Variants in BRINP3 observed in about 807,000 individuals in gnomAD.
The protein encoded by BRINP3 is BMP/retinoic acid-inducible neural-specific protein 3.
In BRINP3, 19 loss-of-function variants were observed where a neutral mutation model predicts 71.0. The ratio of observed to expected loss-of-function variants is 0.27; its 90% CI spans 0.19 to 0.39. The LOEUF (loss-of-function observed/expected upper bound fraction) is 0.39, where lower values mean the gene tolerates loss of function less well. BRINP3 is among the 10% of genes least tolerant of loss of function. BRINP3 has a pLI of 1.00. For missense variants in BRINP3, 959 were observed against 940.8 expected (o/e 1.02, Z -0.25); for synonymous variants, 380 against 337.7 (o/e 1.13, Z -1.37).
chr1:190,256,534 G>A (rs1015352838), intron 4 of BRINP3, among the ~76,000 whole-genome samples: 4 of 152,090 alleles, frequency 2.6e-5, no homozygotes, highest in African/African-American at 7.2e-5. Context: ...TCATTATGAT[G>A]TTAGCTGGTT....
intron 6 of BRINP3, among the ~76,000 whole-genome samples, chr1:190,219,058 G>T (rs911171673): frequency 2.6e-5 from 4 of 152,054 alleles, no homozygotes; most frequent in African/African-American, 7.2e-5. Context: ...GCAAATAGGG[G>T]ATTCAGGCAC....
chr1:190,268,685 T>G (rs930964426), intron 3 of BRINP3, among the ~76,000 whole-genome samples: 11 of 152,144 alleles, frequency 7.2e-5, no homozygotes, highest in African/African-American at 2.7e-4. Context: ...ACTGCACATA[T>G]ACAGTAACAA....
chr1:190,344,796 A>G lies in BRINP3; in HGVS notation c.237-63046T>C, dbSNP rs906946979. Among the ~76,000 whole-genome samples, 5 of 151,850 alleles carry G rather than the reference A, an allele frequency of 3.3e-5. No individual in the cohort carries two copies. In the East Asian group the frequency reaches 9.7e-4, roughly 29 times the overall value. ...GTAGACACAGTATTAAATTATTGCT[A>G]GTCAGAGTATAAAGTTCAAATATTT... On this transcript the variant is annotated intron_variant, in intron 2 of 7. Transcript: ENST00000367462.
intron 5 of BRINP3, among the ~76,000 whole-genome samples, chr1:190,231,226 T>C (rs548289508): frequency 8.6e-5 from 13 of 151,744 alleles, no homozygotes; most frequent in Non-Finnish European, 1.9e-4. Context: ...TTATTATCTG[T>C]CTTCATTTTT....
chr1:190,183,597 C>A (rs1280005158), intron 6 of BRINP3, among the ~76,000 whole-genome samples: 2 of 152,104 alleles, frequency 1.3e-5, no homozygotes, highest in African/African-American at 4.8e-5. Context: ...TGATACCATC[C>A]TGATAATGGG....
At chr1:190,253,169 G>T (rs976781740) in intron 4 of BRINP3, among the ~76,000 whole-genome samples, 2 of 152,060 alleles carry the variant, frequency 1.3e-5, no homozygotes, top group Non-Finnish European at 2.9e-5. Context: ...TCTTAATCCA[G>T]TCTATCATTG....
chr1:190,247,497 T>C (rs16832214), intron 4 of BRINP3, among the ~76,000 whole-genome samples: 2,329 of 152,094 alleles, frequency 0.015, 16 homozygotes, highest in Non-Finnish European at 0.025. Context: ...TTGGTACTTA[T>C]TGGATTTTTG....
intron 7 of BRINP3, among the ~76,000 whole-genome samples, chr1:190,100,514 G>A (rs1212831063): frequency 6.6e-6 from 1 of 152,042 alleles, no homozygotes; most frequent in Non-Finnish European, 1.5e-5. Flanking sequence ...TAAAATGCAT[G>A]GATTAGCCAA....
chr1:190,156,816 C>A (rs1348739067), intron 7 of BRINP3, among the ~76,000 whole-genome samples: 2 of 151,952 alleles, frequency 1.3e-5, no homozygotes, highest in African/African-American at 2.4e-5. Context: ...ATGTTGAATT[C>A]TAATGCAAAT....
At chr1:190,263,699 C>T (rs569946223) in intron 4 of BRINP3, among the ~76,000 whole-genome samples, 1 of 151,022 alleles carries the variant, frequency 6.6e-6, no homozygotes, top group South Asian at 2.1e-4. Flanking sequence ...ATGCCATTCT[C>T]CTGCCTCAGC....
At chr1:190,168,880 T>C (rs1651782171) in intron 6 of BRINP3, among the ~76,000 whole-genome samples, 1 of 152,174 alleles carries the variant, frequency 6.6e-6, no homozygotes, top group Non-Finnish European at 1.5e-5. Context: ...GCTTCCTCTC[T>C]GGCATAAATT....
At chr1:190,403,574 T>C (rs1175557140) in intron 2 of BRINP3, among the ~76,000 whole-genome samples, 2 of 152,194 alleles carry the variant, frequency 1.3e-5, no homozygotes, top group Non-Finnish European at 2.9e-5. Context: ...GAACAGGGAA[T>C]GTAGAGCTTG....
At chr1:190,287,349 A>T (rs149855636) in intron 2 of BRINP3, among the ~76,000 whole-genome samples, 46 of 152,328 alleles carry the variant, frequency 3.0e-4, no homozygotes, top group African/African-American at 1.1e-3. Flanking sequence ...CACTGAAGCT[A>T]GTGTTTATAA....
chr1:190,161,380 CT>C lies in BRINP3; in HGVS notation c.962-491del, dbSNP rs1173104975. Among the ~76,000 whole-genome samples, 6 of 150,920 alleles carry C rather than the reference CT, an allele frequency of 4.0e-5. No homozygotes were observed. The East Asian group carries it at 1.2e-3, about 29-fold the overall frequency. ...TCAGTTTTTAAAGAAAAACAAAAAC[CT>C]TTTTAAATATAAAATTTTAGATTTT... On this transcript the variant is annotated intron_variant, in intron 6 of 7. Transcript: ENST00000367462.
chr1:190,125,414 C>A (rs1309063294), intron 7 of BRINP3, among the ~76,000 whole-genome samples: 1 of 151,442 alleles, frequency 6.6e-6, no homozygotes, highest in Non-Finnish European at 1.5e-5. Context: ...TTCTCTTTTA[C>A]AATGCTTTAA....
intron 6 of BRINP3, among the ~76,000 whole-genome samples, chr1:190,162,072 A>C (rs1316659578): frequency 6.6e-6 from 1 of 152,166 alleles, no homozygotes; most frequent in African/African-American, 2.4e-5. Context: ...AAAAAGAAGG[A>C]AAACTAAGCA....
At chr1:190,410,050 T>C (rs1208170118) in intron 2 of BRINP3, among the ~76,000 whole-genome samples, 6 of 152,320 alleles carry the variant, frequency 3.9e-5, no homozygotes, top group Non-Finnish European at 8.8e-5. Context: ...CCTTCTTTCC[T>C]ATTTTACTTC....
At chr1:190,136,833 G>T (rs1326378737) in intron 7 of BRINP3, among the ~76,000 whole-genome samples, 1 of 151,850 alleles carries the variant, frequency 6.6e-6, no homozygotes, top group African/African-American at 2.4e-5. Context: ...GATAATCATG[G>T]TTGCCAATTA....
chr1:190,359,891 C>G (rs1253709064), intron 2 of BRINP3, among the ~76,000 whole-genome samples: 1 of 152,132 alleles, frequency 6.6e-6, no homozygotes, highest in African/African-American at 2.4e-5. Context: ...CTGTATCCCT[C>G]TAACAGAATA....
Sources: allele counts gnomAD v4.1 joint callset (sites outside exome capture counted in the v4.1 genomes callset), GRCh38; gene constraint gnomAD v4.1.1; transcripts MANE v1.5; gene names NCBI Gene and HGNC (gene_info 2026-07-23, HGNC 2026-07-21).